Variants in HMG20A observed in about 807,000 individuals in gnomAD.
HMG20A encodes the protein high mobility group protein 20A.
In HMG20A, 17 loss-of-function variants were observed where a neutral mutation model predicts 43.9. The ratio of observed to expected loss-of-function variants is 0.39; its 90% CI spans 0.27 to 0.58. The LOEUF is 0.58. HMG20A is among the 20% of genes least tolerant of loss of function. The pLI is 0.59. For missense variants in HMG20A, 341 were observed against 438.2 expected, an observed-to-expected ratio of 0.78 and a Z score of 1.98; for synonymous variants, 132 against 147.5, an observed-to-expected ratio of 0.89 and a Z score of 0.76.
intron 1 of HMG20A, among the ~76,000 whole-genome samples, chr15:77,443,382 T>TG (rs1567394419): frequency 2.7e-3 from 285 of 104,500 alleles, no homozygotes; most frequent in African/African-American, 5.5e-3. Flanking sequence ...TGATGATGAT[T>TG]ATTATTATTA....
Position 77,478,281 on chromosome 15 carries a change from A to T in HMG20A, c.692-14A>T, listed in dbSNP as rs754188341. The T allele has an allele frequency of 1.2e-6, 2 of 1,612,516 alleles. No homozygotes were observed. Among genetic ancestry groups the T allele is most frequent in the East Asian group, 2.2e-5 (1 of 44,868 alleles). On this transcript the variant is annotated splice_polypyrimidine_tract_variant and intron_variant, in intron 7 of 9. Coordinates refer to ENST00000336216, the MANE Select transcript of HMG20A (RefSeq NM_001304504.2). ...TCTAGTGCTGCATGTGTTCTGTGGG[A>T]TGTATGTCCTCAGCTCGGGAAGCAG...
intron 6 of HMG20A, among the ~76,000 whole-genome samples, chr15:77,472,181 T>C (rs1241128862): frequency 6.6e-6 from 1 of 151,970 alleles, no homozygotes; most frequent in Non-Finnish European, 1.5e-5. Flanking sequence ...AAAGTTGTTA[T>C]TTAAAGAATC....
the HMG20A span, among the ~76,000 whole-genome samples, chr15:77,508,338 C>T: frequency 6.6e-6 from 1 of 152,200 alleles, no homozygotes; most frequent in South Asian, 2.1e-4. Flanking sequence ...CGCCAACTCC[C>T]TTCGTTGCTT....
At chr15:77,452,395 C>T (rs953029281) in intron 1 of HMG20A, among the ~76,000 whole-genome samples, 1 of 152,156 alleles carries the variant, frequency 6.6e-6, no homozygotes, top group African/African-American at 2.4e-5. Context: ...ACAGAATGCT[C>T]TGGTAGTACA....
chr15:77,428,240 C>G (rs1372058394), intron 1 of HMG20A, among the ~76,000 whole-genome samples: 1 of 152,166 alleles, frequency 6.6e-6, no homozygotes, highest in African/African-American at 2.4e-5. Context: ...GATCAGGTAC[C>G]TACTACCCCA....
At chr15:77,497,453 G>A in the HMG20A span, among the ~76,000 whole-genome samples, 2 of 152,236 alleles carry the variant, frequency 1.3e-5, no homozygotes, top group Non-Finnish European at 2.9e-5. Flanking sequence ...CAGCCGAGTG[G>A]AAGCTGCAAC....
intron 4 of HMG20A, among the ~76,000 whole-genome samples, chr15:77,469,825 A>G (rs2072790701): frequency 6.6e-6 from 1 of 151,922 alleles, no homozygotes; most frequent in Non-Finnish European, 1.5e-5. Context: ...GCACCATCAC[A>G]CCCAGCTAAT....
At chr15:77,510,111 G>A in the HMG20A span, among the ~76,000 whole-genome samples, 2 of 152,144 alleles carry the variant, frequency 1.3e-5, no homozygotes, top group Admixed American at 6.5e-5. Context: ...GCGGGTGTAT[G>A]GGGCTGCTGC....
At chr15:77,477,122 G>A (rs1048256105) in intron 6 of HMG20A, among the ~76,000 whole-genome samples, 2 of 152,154 alleles carry the variant, frequency 1.3e-5, no homozygotes, top group Admixed American at 1.3e-4. Context: ...TGTCCACTCT[G>A]CAAATTTATA....
At chr15:77,479,021 G>T (rs1363318065) in intron 8 of HMG20A, among the ~76,000 whole-genome samples, 158 bp from the exon 9 acceptor site, 1 of 152,114 alleles carries the variant, frequency 6.6e-6, no homozygotes, top group Non-Finnish European at 1.5e-5. Context: ...AGAGTATGTG[G>T]ACTAATTTCA....
At chr15:77,424,022 G>A (rs539698976) in intron 1 of HMG20A, among the ~76,000 whole-genome samples, 10 of 152,076 alleles carry the variant, frequency 6.6e-5, no homozygotes, top group Non-Finnish European at 1.3e-4. Context: ...CAGTAAATAC[G>A]GCCAAATATT....
intron 2 of HMG20A, among the ~76,000 whole-genome samples, chr15:77,461,866 C>T (rs556118844): frequency 1.3e-5 from 2 of 152,260 alleles, no homozygotes; most frequent in South Asian, 4.2e-4. Flanking sequence ...TTGCCTAACA[C>T]ATCTAAAATG....
At chr15:77,472,908 TTA>T (rs2142350909) in intron 6 of HMG20A, among the ~76,000 whole-genome samples, 1 of 152,340 alleles carries the variant, frequency 6.6e-6, no homozygotes, top group East Asian at 1.9e-4. Flanking sequence ...GTTTCCATCT[TTA>T]TATCCAACCC....
chr15:77,440,152 A>G lies in HMG20A; in HGVS notation c.-4-18252A>G, dbSNP rs181105023. 1.2e-3 allele frequency among the ~76,000 whole-genome samples: 182 copies of G among 152,276 alleles called. 2 individuals are homozygous for G. The East Asian group carries it at 0.029, about 24-fold the overall frequency. ...TGGCTTGCCTTTTTACTCCTTTAACATGATCTTCTGATGAACAGACATTCT... is the reference window on the plus strand; with the variant it reads ...TGGCTTGCCTTTTTACTCCTTTAACGTGATCTTCTGATGAACAGACATTCT... On this transcript the variant is annotated intron_variant, in intron 1 of 9. Transcript: ENST00000336216.
chr15:77,494,923 C>T, the HMG20A span, among the ~76,000 whole-genome samples: 1 of 152,176 alleles, frequency 6.6e-6, no homozygotes, highest in Non-Finnish European at 1.5e-5. Context: ...AAAGATCATG[C>T]CTATTAAAGC....
the HMG20A span, among the ~76,000 whole-genome samples, chr15:77,514,983 GT>G: frequency 6.6e-6 from 1 of 152,202 alleles, no homozygotes; most frequent in African/African-American, 2.4e-5. Context: ...AAATGTCCAG[GT>G]TTTTTCCTTG....
chr15:77,482,259 TATA>T (rs2072911271), intron 9 of HMG20A: 1 of 152,168 alleles, frequency 6.6e-6, no homozygotes, highest in Non-Finnish European at 1.5e-5. Flanking sequence ...ATCCAGGAAT[TATA>T]ATGTTATAGA....
intron 1 of HMG20A, among the ~76,000 whole-genome samples, chr15:77,424,162 C>T (rs1372914906): frequency 6.6e-6 from 1 of 152,178 alleles, no homozygotes; most frequent in East Asian, 1.9e-4. Flanking sequence ...TAAACTTGAT[C>T]TCTCCTGGTC....
At chr15:77,486,551 G>A (rs1595935956), downstream of HMG20A, among the ~76,000 whole-genome samples, 2 of 152,212 alleles carry the variant, frequency 1.3e-5, no homozygotes, top group Admixed American at 6.5e-5. Flanking sequence ...GAGCCACCAC[G>A]CCCAGCCAAA....
Sources: gnomAD v4.1 joint callset for allele counts (sites outside exome capture counted in the v4.1 genomes callset) on GRCh38, gnomAD v4.1.1 for gene constraint, MANE v1.5 for transcripts, NCBI Gene and HGNC (gene_info 2026-07-23, HGNC 2026-07-21) for gene names.